KANSL1L: variants seen among roughly 807,000 people sequenced by gnomAD.
KANSL1L encodes KAT8 regulatory NSL complex subunit 1 like.
KANSL1L carries 25 observed loss-of-function variants against 108.6 expected under a neutral mutation model. The ratio of observed to expected loss-of-function variants is 0.23; its 90% CI spans 0.17 to 0.32. The LOEUF is 0.32. Ranked by LOEUF, KANSL1L falls within the 10% of genes least tolerant of loss-of-function variation. The probability of loss-of-function intolerance (pLI) is 1.00; values close to 1 mark genes in which losing one functional copy is unlikely to be tolerated. For missense variants in KANSL1L, 1,137 were observed against 1,125.7 expected, an observed-to-expected ratio of 1.01 and a Z score of -0.14; for synonymous variants, 405 against 395.1, an observed-to-expected ratio of 1.03 and a Z score of -0.30.
chr2:210,076,503 T>G (rs1057098013), intron 5 of KANSL1L, among the ~76,000 whole-genome samples: 2 of 152,180 alleles, frequency 1.3e-5, no homozygotes, highest in Non-Finnish European at 2.9e-5. Context: ...TGCTCTTATA[T>G]AAGCACTACA....
chr2:210,064,764 G>A (rs6714369), intron 6 of KANSL1L, among the ~76,000 whole-genome samples: 1,526 of 139,110 alleles, frequency 0.011, 22 homozygotes, highest in African/African-American at 0.037. Flanking sequence ...AGCTATGATC[G>A]TACCACCACA....
chr2:210,057,707 T>G (rs2125255501), intron 6 of KANSL1L, among the ~76,000 whole-genome samples: 1 of 152,326 alleles, frequency 6.6e-6, no homozygotes, highest in East Asian at 1.9e-4. Flanking sequence ...GAAGATTTCA[T>G]GGACATTTAT....
At chr2:210,096,423 T>C (rs1274614437) in intron 5 of KANSL1L, 7 of 873,832 alleles carry the variant, frequency 8.0e-6, no homozygotes, top group Non-Finnish European at 9.6e-6. Context: ...CTTGACTATG[T>C]GGCATACAAT....
chr2:210,060,604 T>C (rs74355897), intron 6 of KANSL1L, among the ~76,000 whole-genome samples: 1,647 of 152,378 alleles, frequency 0.011, 26 homozygotes, highest in African/African-American at 0.035. Flanking sequence ...AGCGTCTTGA[T>C]ATGCAAATAG....
chr2:210,060,275 CAAT>C (rs1445276428), intron 6 of KANSL1L, among the ~76,000 whole-genome samples: 6 of 152,094 alleles, frequency 3.9e-5, no homozygotes, highest in Non-Finnish European at 7.4e-5. Flanking sequence ...TATGAAATAA[CAAT>C]GATGATACAG....
At chr2:210,086,314 G>A (rs1331602271) in intron 5 of KANSL1L, among the ~76,000 whole-genome samples, 4 of 151,956 alleles carry the variant, frequency 2.6e-5, no homozygotes, top group African/African-American at 4.8e-5. Context: ...TACCCCATGG[G>A]ATAAACAAGG....
chr2:210,079,314 G>A (rs573682308), intron 5 of KANSL1L, among the ~76,000 whole-genome samples: 3 of 151,830 alleles, frequency 2.0e-5, no homozygotes, highest in African/African-American at 7.3e-5. Flanking sequence ...TATAATTATC[G>A]GCTGGGCGCA....
At chr2:210,084,257 A>G (rs2094616117) in intron 5 of KANSL1L, among the ~76,000 whole-genome samples, 1 of 152,122 alleles carries the variant, frequency 6.6e-6, no homozygotes, top group South Asian at 2.1e-4. Context: ...CCCCGTCTCT[A>G]CTAAAAATAC....
At chr2:210,118,945 AGATCAC>A (rs2094985823) in intron 3 of KANSL1L, among the ~76,000 whole-genome samples, 1 of 152,074 alleles carries the variant, frequency 6.6e-6, no homozygotes, top group Non-Finnish European at 1.5e-5. Flanking sequence ...CGAGGCAGGC[AGATCAC>A]GAGGTCAAGA....
In KANSL1L at chr2:210,065,732, C is replaced by G. The variant is rs184828236; in HGVS notation, c.1755+9820G>C. On this transcript the variant is annotated intron_variant, in intron 6 of 14. Coordinates refer to ENST00000281772, the MANE Select transcript of KANSL1L (RefSeq NM_152519.4). Reference sequence around the variant, plus strand: ...TCCCAAGTAGCTGGGATTACAGATGCGCACCACCACGCCCGGCTAATATTT... The same window carrying G: ...TCCCAAGTAGCTGGGATTACAGATGGGCACCACCACGCCCGGCTAATATTT... Among the ~76,000 whole-genome samples, 47 of 151,974 alleles carry G rather than the reference C, an allele frequency of 3.1e-4. No individual in the cohort carries two copies. The South Asian group carries it at 3.1e-3, about 10-fold the overall frequency.
intron 3 of KANSL1L, among the ~76,000 whole-genome samples, chr2:210,113,671 AT>A (rs1219928384): frequency 2.0e-5 from 3 of 152,206 alleles, no homozygotes; most frequent in African/African-American, 4.8e-5. Context: ...GGCTAAAAAA[AT>A]GATGTGAAAA....
In KANSL1L at chr2:210,042,956, C is replaced by T. The variant is rs192022357; in HGVS notation, c.1921+983G>A. The stretch of plus-strand genomic sequence containing the variant: ...TTTAAAAGACCATCAGAACCATAAG[C>T]GGAAAATGGAACAAAAGCTAAGTTG... On this transcript the variant is annotated intron_variant, in intron 7 of 14. Coordinates refer to ENST00000281772, the MANE Select transcript of KANSL1L (RefSeq NM_152519.4). Among the ~76,000 whole-genome samples, 654 of 152,036 alleles carry T rather than the reference C, an allele frequency of 4.3e-3. 3 individuals carry two copies. Among genetic ancestry groups the T allele is most frequent in the African/African-American group, 0.013 (555 of 41,458 alleles).
intron 6 of KANSL1L, among the ~76,000 whole-genome samples, chr2:210,047,184 GCCATAC>G (rs1386044949): frequency 6.6e-6 from 1 of 152,152 alleles, no homozygotes; most frequent in Non-Finnish European, 1.5e-5. Flanking sequence ...AGGCTCCTTG[GCCATAC>G]CCTCAGTGTT....
intron 3 of KANSL1L, among the ~76,000 whole-genome samples, chr2:210,117,908 A>G (rs1251950839): frequency 6.6e-6 from 1 of 152,172 alleles, no homozygotes; most frequent in Non-Finnish European, 1.5e-5. Flanking sequence ...TCATGCCCGT[A>G]ATCTCAGCAC....
chr2:210,049,776 T>C (rs1477635246), intron 6 of KANSL1L, among the ~76,000 whole-genome samples: 2 of 152,164 alleles, frequency 1.3e-5, no homozygotes, highest in Non-Finnish European at 2.9e-5. Flanking sequence ...ATAGCTACAA[T>C]TGGAGTTGCT....
At chr2:210,108,130 TATATA>T (rs2094868669) in intron 3 of KANSL1L, among the ~76,000 whole-genome samples, 2 of 152,192 alleles carry the variant, frequency 1.3e-5, no homozygotes, top group Admixed American at 1.3e-4. Flanking sequence ...ATGTTTTTCT[TATATA>T]ATAACATTTC....
At chr2:210,129,770 A>G (rs921656302) in intron 2 of KANSL1L, among the ~76,000 whole-genome samples, 52 of 152,306 alleles carry the variant, frequency 3.4e-4, no homozygotes, top group African/African-American at 1.2e-3. Flanking sequence ...AATATTTAAG[A>G]TAAACTGTTC....
At chr2:210,073,772 CAA>C (rs1457070891) in intron 6 of KANSL1L, among the ~76,000 whole-genome samples, 2 of 132,446 alleles carry the variant, frequency 1.5e-5, no homozygotes, top group African/African-American at 3.5e-5. Context: ...AGGAAACACA[CAA>C]ACACACACAC....
At chr2:210,164,864 T>TTG (rs938863592) in intron 1 of KANSL1L, among the ~76,000 whole-genome samples, 8 of 149,150 alleles carry the variant, frequency 5.4e-5, no homozygotes, top group African/African-American at 1.5e-4. Flanking sequence ...TGTTTTTTTT[T>TTG]TTTTGTTTTT....
Sources: gnomAD v4.1 joint callset for allele counts (sites outside exome capture counted in the v4.1 genomes callset) on GRCh38, gnomAD v4.1.1 for gene constraint, MANE v1.5 for transcripts, NCBI Gene and HGNC (gene_info 2026-07-23, HGNC 2026-07-21) for gene names.